ACAT1: variants seen among roughly 807,000 people sequenced by gnomAD.
ACAT1 encodes acetyl-CoA acetyltransferase, mitochondrial.
ACAT1 carries 28 observed loss-of-function variants against 47.3 expected under a neutral mutation model. The ratio of observed to expected loss-of-function variants is 0.59; its 90% CI spans 0.44 to 0.81. The LOEUF (loss-of-function observed/expected upper bound fraction) is 0.81. Ranked by LOEUF, ACAT1 falls within the 30% of genes least tolerant of loss-of-function variation. ACAT1 has a pLI of 0.00. For synonymous variants in ACAT1, 181 were observed against 173.6 expected (o/e 1.04, Z -0.34); for missense variants, 469 against 524.3 (o/e 0.89, Z 1.03).
At chr11:108,145,353 A>T (rs1402572606) in intron 10 of ACAT1, among the ~76,000 whole-genome samples, 1 of 152,240 alleles carries the variant, frequency 6.6e-6, no homozygotes. Context: ...CTAATATTAG[A>T]AACTAATATA....
Position 108,132,261 on chromosome 11 carries a change from CTG to C in ACAT1, c.120+309_120+310del, listed in dbSNP as rs201164250. Among the ~76,000 whole-genome samples the C allele has an allele frequency of 1.2e-3, 185 of 152,140 alleles. 2 individuals are homozygous for C. The East Asian group carries it at 0.034, about 28-fold the overall frequency. ...GTATTGTGTGTGGTACAAGCAGAGACTGTATAGAAGATCCTAGAAGAGAGGGA... is the reference window on the plus strand; with the variant it reads ...GTATTGTGTGTGGTACAAGCAGAGACTATAGAAGATCCTAGAAGAGAGGGA... On this transcript the variant is annotated intron_variant, in intron 2 of 11. Coordinates refer to ENST00000265838, the MANE Select transcript of ACAT1 (RefSeq NM_000019.4).
At chr11:108,142,772 G>A (rs1338692426) in intron 9 of ACAT1, 2 of 519,932 alleles carry the variant, frequency 3.8e-6, no homozygotes, top group East Asian at 7.3e-5. Context: ...AGGAGTTTGA[G>A]GTTGCAGTGA....
intron 9 of ACAT1, 166 bp from the exon 10 acceptor site, chr11:108,143,817 G>A (rs1275643138): frequency 2.1e-6 from 1 of 487,608 alleles, no homozygotes; most frequent in East Asian, 3.7e-5. Context: ...TTAGATTACT[G>A]GAGTAATTTT....
At chr11:108,133,429 G>A (rs1367263712) in intron 2 of ACAT1, among the ~76,000 whole-genome samples, 1 of 151,970 alleles carries the variant, frequency 6.6e-6, no homozygotes, top group East Asian at 1.9e-4. Flanking sequence ...GAGCTGCAAT[G>A]AGCTATGATT....
chr11:108,123,940 T>C (rs1486009059), intron 1 of ACAT1, among the ~76,000 whole-genome samples: 3 of 152,222 alleles, frequency 2.0e-5, no homozygotes, highest in Non-Finnish European at 4.4e-5. Context: ...AAAAAAAAAT[T>C]CCTGTATTGT....
intron 1 of ACAT1, among the ~76,000 whole-genome samples, chr11:108,130,060 G>A (rs545337306): frequency 6.6e-6 from 1 of 152,152 alleles, no homozygotes; most frequent in Non-Finnish European, 1.5e-5. Flanking sequence ...CTGTCTCTGA[G>A]TATATATGTT....
At chr11:108,135,057 T>G (rs1488713058) in intron 4 of ACAT1, 85 bp from the exon 5 acceptor site, 3 of 874,396 alleles carry the variant, frequency 3.4e-6, no homozygotes, top group Non-Finnish European at 5.7e-6. Flanking sequence ...AGAAGAAATG[T>G]TGTAGTTTAT....
At chr11:108,133,749 ATTTATG>A (rs1221536545) in intron 2 of ACAT1, 65 bp from the exon 3 acceptor site, 7 of 1,242,928 alleles carry the variant, frequency 5.6e-6, no homozygotes, top group Non-Finnish European at 8.2e-6. Flanking sequence ...TTGATAATAT[ATTTATG>A]TTTATTTAAT....
Position 108,146,324 on chromosome 11 carries a change from C to T in ACAT1, c.1128C>T (p.Ile376=), listed in dbSNP as rs928429664. 4 of 1,613,822 alleles carry T rather than the reference C, an allele frequency of 2.5e-6. No homozygotes were observed. Among genetic ancestry groups the T allele is most frequent in the Non-Finnish European group, 3.4e-6 (4 of 1,179,950 alleles). Residue 376 remains isoleucine (I), a synonymous_variant, in exon 11 of 12, where the codon ATC becomes ATT. Transcript: ENST00000265838. ...AGATTGATCCCCAAAAAGTGAATAT[C>T]AATGGAGGAGCTGTTTCTCTGGGAC... ...MLEIDPQKVN[I]NGGAVSLGHP...
intron 6 of ACAT1, 82 bp downstream of exon 6, chr11:108,139,123 G>T: frequency 1.3e-6 from 2 of 1,541,572 alleles, no homozygotes; most frequent in South Asian, 1.1e-5. Flanking sequence ...TTTACAAACT[G>T]AACTGAAAGA....
chr11:108,134,311 G>T lies in ACAT1; in HGVS notation c.329G>T (p.Gly110Val), dbSNP rs982230905. 1 of 1,612,994 alleles carries T rather than the reference G, an allele frequency of 6.2e-7. No homozygotes were observed. The highest frequency in any genetic ancestry group is 2.2e-5 in the East Asian group (1 of 44,818). Residue 110 changes from glycine (G) to valine (V), a missense_variant, in exon 4 of 12, where the codon GGT becomes GTT. By Grantham distance (109) the Gly-to-Val change is moderately radical. Coordinates refer to ENST00000265838, the MANE Select transcript of ACAT1 (RefSeq NM_000019.4). ...GQAPTRQAVL[G>V]AGLPISTPCT... ...GCTCCTACAAGGCAGGCAGTATTGGGTGCAGGTACCTGGAAGACTTTTTTG... is the reference window on the plus strand; with the variant it reads ...GCTCCTACAAGGCAGGCAGTATTGGTTGCAGGTACCTGGAAGACTTTTTTG...
At position 108,139,059 on chromosome 11, in the gene ACAT1, T is replaced by A; in HGVS notation, c.579+18T>A. 4 of 1,613,922 alleles carry A rather than the reference T, an allele frequency of 2.5e-6. No individual in the cohort carries two copies. Among genetic ancestry groups the A allele is most frequent in the Non-Finnish European group, 3.4e-6 (4 of 1,179,800 alleles). ...TTCATATGGTAAATGTGATTTTTAG[T>A]GGATAAATGCTATCTAATGTCCAAT... On this transcript the variant is annotated intron_variant, in intron 6 of 11. Coordinates refer to ENST00000265838, the MANE Select transcript of ACAT1 (RefSeq NM_000019.4).
chr11:108,132,679 C>G (rs912781674), intron 2 of ACAT1, among the ~76,000 whole-genome samples: 1 of 150,794 alleles, frequency 6.6e-6, no homozygotes, highest in Non-Finnish European at 1.5e-5. Context: ...ACGGTGAAAC[C>G]CCATCTCCAC....
At position 108,138,996 on chromosome 11, in the gene ACAT1, G is replaced by C. The variant is rs1320114846; in HGVS notation, c.534G>C (p.Leu178Phe). 12 of 1,614,022 alleles carry C rather than the reference G, an allele frequency of 7.4e-6. No homozygotes were observed. Among genetic ancestry groups the C allele is most frequent in the Non-Finnish European group, 1.0e-5 (12 of 1,180,036 alleles). Residue 178 changes from leucine to phenylalanine, a missense_variant, in exon 6 of 12, where the codon TTG becomes TTC. Leu to Phe is a conservative substitution (Grantham distance 22, BLOSUM62 0). Transcript: ENST00000265838. Reference protein sequence around the residue: ...TPYGGVKLEDLIVKDGLTDVY... With the variant: ...TPYGGVKLEDFIVKDGLTDVY... ...ATGGTGGGGTAAAGCTTGAAGATTT[G>C]ATTGTAAAAGACGGGCTAACTGATG...
chr11:108,145,738 A>G (rs2077692396), intron 10 of ACAT1, among the ~76,000 whole-genome samples: 2 of 151,524 alleles, frequency 1.3e-5, no homozygotes, highest in African/African-American at 4.9e-5. Context: ...ATGGAATAAG[A>G]TGAGCAACTA....
intron 1 of ACAT1, chr11:108,128,661 T>C (rs2077296085): frequency 6.6e-6 from 1 of 152,216 alleles, no homozygotes; most frequent in Admixed American, 6.5e-5. Flanking sequence ...AATCAGATCC[T>C]GTTTGTATGC....
intron 10 of ACAT1, among the ~76,000 whole-genome samples, chr11:108,144,820 C>G (rs560430748): frequency 1.3e-5 from 2 of 152,138 alleles, no homozygotes; most frequent in South Asian, 4.2e-4. Context: ...GAAAGGAACA[C>G]GCAGCTTCTG....
rs533069920 is a variant in ACAT1 at position 108,132,066 on chromosome 11, CAGTT to C, written c.120+115_120+118del. 329 of 669,284 alleles carry C rather than the reference CAGTT, an allele frequency of 4.9e-4. 1 individual carries two copies. Among genetic ancestry groups the C allele is most frequent in the African/African-American group, 3.2e-3 (181 of 55,728 alleles). The allele number at this position is 669,284 out of a possible 1,614,324, so 41.5% of individuals were successfully genotyped here. A position where few individuals can be genotyped will look rare whatever the true frequency, so the allele number is the denominator to read the frequency against. ...TGAAAGTCAAAGCAGGATTATGTAACAGTTAGGAATAGCTAACTATTCAAATATT... is the reference window on the plus strand; with the variant it reads ...TGAAAGTCAAAGCAGGATTATGTAACAGGAATAGCTAACTATTCAAATATT... On this transcript the variant is annotated intron_variant, in intron 2 of 11. Coordinates refer to ENST00000265838, the MANE Select transcript of ACAT1 (RefSeq NM_000019.4).
chr11:108,134,200 CTTTTTTTTTTTTTAATAAAGGGAT>C lies in ACAT1; in HGVS notation c.239-19_243del. On this transcript the variant is annotated splice_acceptor_variant and splice_polypyrimidine_tract_variant and coding_sequence_variant and intron_variant, in exon 4 of 12. Transcript: ENST00000265838. LOFTEE classifies it high-confidence loss of function. ...TAAATTGAATTAAATGCCTTTTTGA[CTTTTTTTTTTTTTAATAAAGGGAT>C]TCCAAAAGAAGAAGTGAAAGAAGCA... The C allele has an allele frequency of 7.3e-7, 1 of 1,362,128 alleles. No homozygotes were observed. The highest frequency in any genetic ancestry group is 1.0e-6 in the Non-Finnish European group (1 of 983,990). 84.4% of individuals were successfully genotyped at this position (1,362,128 alleles called of 1,614,324 possible). A position where few individuals can be genotyped will look rare whatever the true frequency, so the allele number is the denominator to read the frequency against.
Sources: allele counts gnomAD v4.1 joint callset (sites outside exome capture counted in the v4.1 genomes callset), GRCh38; gene constraint gnomAD v4.1.1; transcripts MANE v1.5; gene names NCBI Gene and HGNC (gene_info 2026-07-23, HGNC 2026-07-21).